DLG2: variants seen among roughly 807,000 people sequenced by gnomAD.
DLG2 encodes the protein disks large homolog 2.
DLG2 carries 45 observed loss-of-function variants against 132.5 expected under a neutral mutation model. That is an observed-to-expected ratio of 0.34 (90% CI 0.27 to 0.44). The LOEUF (loss-of-function observed/expected upper bound fraction) is 0.44, where lower values mean the gene tolerates loss of function less well. Among genes scored for constraint, DLG2 ranks in the 20% least tolerant of loss-of-function variants. DLG2 has a pLI of 1.00. For synonymous variants in DLG2, 424 were observed against 419.6 expected, an observed-to-expected ratio of 1.01 and a Z score of -0.13; for missense variants, 1,045 against 1,196.9, an observed-to-expected ratio of 0.87 and a Z score of 1.87.
chr11:84,490,852 T>TA (rs1373330364), intron 7 of DLG2, among the ~76,000 whole-genome samples: 1 of 151,518 alleles, frequency 6.6e-6, no homozygotes, highest in Non-Finnish European at 1.5e-5. Flanking sequence ...TAATGACAAC[T>TA]AAAAAATCCC....
chr11:85,401,961 G>A (rs1379349860), intron 3 of DLG2, among the ~76,000 whole-genome samples: 2 of 138,054 alleles, frequency 1.4e-5, no homozygotes, highest in Non-Finnish European at 3.1e-5. Context: ...AGCTACCACT[G>A]ACTTTCTTCA....
chr11:83,804,013 C>T (rs2045233114), intron 17 of DLG2, among the ~76,000 whole-genome samples: 1 of 152,022 alleles, frequency 6.6e-6, no homozygotes, highest in Admixed American at 6.6e-5. Flanking sequence ...CTGGCTGTTG[C>T]CCATAATTAC....
chr11:84,681,915 T>C (rs1313979743), intron 6 of DLG2, among the ~76,000 whole-genome samples: 5 of 152,090 alleles, frequency 3.3e-5, no homozygotes, highest in African/African-American at 1.2e-4. Flanking sequence ...TATTATAGTA[T>C]CTGCTTCTAG....
chr11:85,582,100 A>G (rs577585649), intron 3 of DLG2, among the ~76,000 whole-genome samples: 17 of 152,298 alleles, frequency 1.1e-4, no homozygotes, highest in East Asian at 9.7e-4. Context: ...TTGCCCCCCA[A>G]TGAAGAGAAA....
At chr11:85,484,050 C>T (rs947704598) in intron 3 of DLG2, among the ~76,000 whole-genome samples, 2 of 152,178 alleles carry the variant, frequency 1.3e-5, no homozygotes, top group Non-Finnish European at 2.9e-5. Flanking sequence ...AATACCGGCA[C>T]GAGACCGATA....
At chr11:84,365,976 C>T (rs2098679968) in intron 7 of DLG2, among the ~76,000 whole-genome samples, 1 of 152,038 alleles carries the variant, frequency 6.6e-6, no homozygotes, top group Non-Finnish European at 1.5e-5. Context: ...CACAGAGATA[C>T]TCCTCGAGAA....
At chr11:85,455,232 T>G (rs954426282) in intron 3 of DLG2, among the ~76,000 whole-genome samples, 5 of 152,086 alleles carry the variant, frequency 3.3e-5, no homozygotes, top group Admixed American at 3.3e-4. Flanking sequence ...TTGCAGAGAT[T>G]TTACACCTCC....
At chr11:83,914,729 A>G (rs1185600091) in intron 15 of DLG2, among the ~76,000 whole-genome samples, 1 of 152,170 alleles carries the variant, frequency 6.6e-6, no homozygotes, top group Non-Finnish European at 1.5e-5. Context: ...CACACTGTTG[A>G]TGGTCATTAG....
intron 6 of DLG2, among the ~76,000 whole-genome samples, chr11:84,722,852 T>C (rs1490568233): frequency 1.3e-5 from 2 of 152,146 alleles, no homozygotes; most frequent in East Asian, 3.9e-4. Flanking sequence ...GATTTCTCCA[T>C]TAGGAATCAG....
At chr11:85,454,447 A>C (rs1024411247) in intron 3 of DLG2, among the ~76,000 whole-genome samples, 1 of 152,132 alleles carries the variant, frequency 6.6e-6, no homozygotes, top group Admixed American at 6.6e-5. Context: ...TGTCAGATAC[A>C]TAGTTTGCAA....
intron 21 of DLG2, among the ~76,000 whole-genome samples, chr11:83,527,841 T>C (rs948742744): frequency 6.6e-6 from 1 of 152,150 alleles, no homozygotes; most frequent in East Asian, 1.9e-4. Flanking sequence ...CATAAATCAC[T>C]AAATAGTCAT....
intron 7 of DLG2, among the ~76,000 whole-genome samples, chr11:84,378,928 G>GAGGA (rs774855159): frequency 6.6e-6 from 1 of 151,758 alleles, no homozygotes; most frequent in Non-Finnish European, 1.5e-5. Flanking sequence ...CCTGGCAACA[G>GAGGA]AGGAAGACTC....
intron 11 of DLG2, among the ~76,000 whole-genome samples, chr11:83,992,799 A>G (rs906428408): frequency 2.0e-5 from 3 of 152,166 alleles, no homozygotes; most frequent in Non-Finnish European, 4.4e-5. Context: ...ATTGTAGGAT[A>G]ATAACAGGAC....
At chr11:84,292,813 G>A (rs960064245) in intron 7 of DLG2, among the ~76,000 whole-genome samples, 3 of 152,052 alleles carry the variant, frequency 2.0e-5, no homozygotes, top group African/African-American at 7.2e-5. Context: ...GTAAAGGCAG[G>A]GGGGTCCAAT....
intron 6 of DLG2, among the ~76,000 whole-genome samples, chr11:84,578,429 G>A (rs2154528760): frequency 6.6e-6 from 1 of 152,334 alleles, no homozygotes. Flanking sequence ...AGCTGCCCAA[G>A]AGCATGGGAA....
At chr11:84,680,323 A>G (rs1439407235) in intron 6 of DLG2, among the ~76,000 whole-genome samples, 1 of 152,136 alleles carries the variant, frequency 6.6e-6, no homozygotes, top group Non-Finnish European at 1.5e-5. Flanking sequence ...CTACAAAAAG[A>G]GTATGACAAT....
chr11:83,683,307 A>G (rs1029378592), intron 18 of DLG2, among the ~76,000 whole-genome samples: 1 of 152,196 alleles, frequency 6.6e-6, no homozygotes, highest in African/African-American at 2.4e-5. Context: ...CATGAGCAAC[A>G]TATTGCAGAG....
At chr11:85,059,445 T>A (rs896111668) in intron 6 of DLG2, among the ~76,000 whole-genome samples, 1 of 151,582 alleles carries the variant, frequency 6.6e-6, no homozygotes, top group Non-Finnish European at 1.5e-5. Context: ...CACCCAAAGT[T>A]TACAAAAATG....
chr11:83,898,856 T>C (rs1033297785), intron 15 of DLG2, among the ~76,000 whole-genome samples: 27 of 152,232 alleles, frequency 1.8e-4, no homozygotes, highest in African/African-American at 6.5e-4. Context: ...TATCTACTTA[T>C]TTTCATATCC....
Sources: gnomAD v4.1 joint callset for allele counts (sites outside exome capture counted in the v4.1 genomes callset) on GRCh38, gnomAD v4.1.1 for gene constraint, MANE v1.5 for transcripts, NCBI Gene and HGNC (gene_info 2026-07-23, HGNC 2026-07-21) for gene names.